The following LEPROTL1 variants were observed in gnomAD, a reference collection of about 807,000 sequenced individuals.
LEPROTL1 encodes leptin receptor overlapping transcript-like 1.
LEPROTL1 carries 6 observed loss-of-function variants against 15.4 expected under a neutral mutation model. That is an observed-to-expected ratio of 0.39 (90% CI 0.21 to 0.77). The LOEUF (loss-of-function observed/expected upper bound fraction) is 0.77. Ranked by LOEUF, LEPROTL1 falls within the 30% of genes least tolerant of loss-of-function variation. The pLI, the probability that LEPROTL1 is intolerant of heterozygous loss-of-function variation, is 0.41. For missense variants in LEPROTL1, 128 were observed against 158.1 expected, an observed-to-expected ratio of 0.81 and a Z score of 1.02; for synonymous variants, 56 against 52.6, an observed-to-expected ratio of 1.06 and a Z score of -0.28.
Position 30,107,237 on chromosome 8 carries a change from T to C in LEPROTL1, c.*1375T>C. ...CAGCTATATAGCAGCTTCAGAAACA[T>C]ACCTGACCAAAAAATTCCCAGTAAC... On this transcript the variant is annotated 3_prime_UTR_variant, in exon 4 of 4. Transcript: ENST00000321250. 2.0e-6 allele frequency: 2 copies of C among 985,470 alleles called. No homozygotes were observed. The highest frequency in any genetic ancestry group is 2.4e-6 in the Non-Finnish European group (2 of 829,940). 61.0% of individuals were successfully genotyped at this position (985,470 alleles called of 1,614,324 possible).
At chr8:30,097,700 C>CAA (rs1802395019) in intron 1 of LEPROTL1, among the ~76,000 whole-genome samples, 1 of 116,040 alleles carries the variant, frequency 8.6e-6, no homozygotes, top group African/African-American at 3.4e-5. Context: ...TATATATATA[C>CAA]ACACACACAC....
intron 1 of LEPROTL1, among the ~76,000 whole-genome samples, chr8:30,099,501 CTG>C: frequency 7.1e-6 from 1 of 140,462 alleles, no homozygotes; most frequent in South Asian, 2.3e-4. Flanking sequence ...CTCAGAAAGG[CTG>C]AGGCAGGAGG....
chr8:30,129,268 AG>A (rs1362938673), intron 3 of LEPROTL1, among the ~76,000 whole-genome samples: 1 of 152,234 alleles, frequency 6.6e-6, no homozygotes, highest in Non-Finnish European at 1.5e-5. Context: ...CTGAGTGCTA[AG>A]ATTGGGCTCG....
In LEPROTL1 at chr8:30,115,314, A is replaced by G. The variant is rs1332002765; in HGVS notation, c.279+10828A>G. Among the ~76,000 whole-genome samples, 6 of 151,490 alleles carry G rather than the reference A, an allele frequency of 4.0e-5. No homozygotes were observed. In the Admixed American group the frequency reaches 4.0e-4, roughly 10 times the overall value. ...AGAGATTGCAGTGAGCCAAGATTTC[A>G]CCACTGCACTCCAGCCTGGGCAGCA... On this transcript the variant is annotated intron_variant, in intron 3 of 4. Transcript: ENST00000442880.
At chr8:30,095,622 C>T in intron 1 of LEPROTL1, 94 bp downstream of exon 1, 2 of 1,024,958 alleles carry the variant, frequency 2.0e-6, no homozygotes, top group Non-Finnish European at 2.6e-6. Context: ...CCTCCGGGCT[C>T]GCGCGCGCGC....
intron 3 of LEPROTL1, among the ~76,000 whole-genome samples, chr8:30,121,217 G>T (rs2117513582): frequency 6.6e-6 from 1 of 151,868 alleles, no homozygotes; most frequent in East Asian, 1.9e-4. Context: ...GTGTTTTGTT[G>T]TTTATTGTTT....
chr8:30,129,292 A>C (rs972536900), intron 3 of LEPROTL1, among the ~76,000 whole-genome samples: 1 of 152,196 alleles, frequency 6.6e-6, no homozygotes, highest in African/African-American at 2.4e-5. Context: ...GTTTGCCTTC[A>C]TGTTAATCAG....
chr8:30,117,559 C>T (rs1802760256), intron 3 of LEPROTL1: 1 of 1,331,360 alleles, frequency 7.5e-7, no homozygotes. Flanking sequence ...CTGATCACTC[C>T]ACACTTGTTT....
At chr8:30,130,487 T>C (rs913587973) in intron 3 of LEPROTL1, among the ~76,000 whole-genome samples, 3 of 152,212 alleles carry the variant, frequency 2.0e-5, no homozygotes, top group African/African-American at 7.2e-5. Context: ...TACTGCATAA[T>C]TTAGAAGTCC....
At chr8:30,097,698 TACACACACACACAC>T (rs71204262) in intron 1 of LEPROTL1, among the ~76,000 whole-genome samples, 1 of 108,796 alleles carries the variant, frequency 9.2e-6, no homozygotes, top group Admixed American at 1.2e-4. Flanking sequence ...TATATATATA[TACACACACACACAC>T]ACACACACAC....
At chr8:30,132,989 G>T in intron 4 of LEPROTL1, 6 of 1,363,538 alleles carry the variant, frequency 4.4e-6, no homozygotes, top group Non-Finnish European at 5.9e-6. Flanking sequence ...ACATGATCTC[G>T]CAGGAAATAG....
At position 30,105,803 on chromosome 8, in the gene LEPROTL1, A is replaced by C; in HGVS notation, c.337A>C (p.Ile113Leu). Reference protein sequence around the residue: ...LTGNTVIFATILGFFLVFGSN... With the variant: ...LTGNTVIFATLLGFFLVFGSN... ...AGGAAACACAGTCATCTTTGCAACT[A>C]TACTAGGCTTTTTCTTGGTCTTTGG... The change falls in exon 4 of 4, where the codon ATA becomes CTA. Residue 113 changes from isoleucine to leucine, a missense_variant. Ile to Leu is a conservative substitution (Grantham distance 5). Coordinates refer to ENST00000321250, the MANE Select transcript of LEPROTL1 (RefSeq NM_015344.3). 17 of 1,583,110 alleles carry C rather than the reference A, an allele frequency of 1.1e-5. No homozygotes were observed. The highest frequency in any genetic ancestry group is 1.5e-5 in the Non-Finnish European group (17 of 1,165,544).
chr8:30,136,730 CTTTTTTT>C (rs11390350), intron 4 of LEPROTL1, among the ~76,000 whole-genome samples: 4 of 143,788 alleles, frequency 2.8e-5, no homozygotes, highest in South Asian at 2.2e-4. Flanking sequence ...TCCCCCCGAA[CTTTTTTT>C]TTTTTTTTTG....
At chr8:30,099,495 GA>G (rs71204263) in intron 1 of LEPROTL1, among the ~76,000 whole-genome samples, 137,505 of 150,840 alleles carry the variant, frequency 0.91, 63,025 homozygotes, top group East Asian at 1. Context: ...CAGCTACTCA[GA>G]AAGGCTGAGG....
At chr8:30,119,080 T>A (rs1241980690) in intron 3 of LEPROTL1, among the ~76,000 whole-genome samples, 1 of 152,058 alleles carries the variant, frequency 6.6e-6, no homozygotes. Flanking sequence ...AGGGCAGAGG[T>A]CCCTTAGGCT....
chr8:30,111,441 CAG>C (rs1386254648), downstream of LEPROTL1, among the ~76,000 whole-genome samples: 1 of 152,120 alleles, frequency 6.6e-6, no homozygotes, highest in Non-Finnish European at 1.5e-5. Flanking sequence ...AAGAAATGTC[CAG>C]TGTATTAGGT....
At chr8:30,110,328 T>C (rs1256488475), downstream of LEPROTL1, among the ~76,000 whole-genome samples, 1 of 152,200 alleles carries the variant, frequency 6.6e-6, no homozygotes, top group Non-Finnish European at 1.5e-5. Flanking sequence ...ATCTTTCAAC[T>C]GTAATTCTGC....
chr8:30,099,351 T>C (rs1331022522), intron 1 of LEPROTL1, among the ~76,000 whole-genome samples: 1 of 151,642 alleles, frequency 6.6e-6, no homozygotes, highest in Non-Finnish European at 1.5e-5. Context: ...CCCAGCACTT[T>C]GGGAGGCCAA....
intron 3 of LEPROTL1, 103 bp from the exon 4 acceptor site, chr8:30,105,642 GC>G (rs1440136920): frequency 2.2e-5 from 17 of 780,062 alleles, no homozygotes; most frequent in Non-Finnish European, 3.4e-5. Context: ...TACAAGGCAT[GC>G]TTCTTTTAGA....
Sources: gnomAD v4.1 joint callset for allele counts (sites outside exome capture counted in the v4.1 genomes callset) on GRCh38, gnomAD v4.1.1 for gene constraint, MANE v1.5 for transcripts, NCBI Gene and HGNC (gene_info 2026-07-23, HGNC 2026-07-21) for gene names.